STAU2: variants seen among roughly 807,000 people sequenced by gnomAD.
The protein encoded by STAU2 is staufen double-stranded RNA binding protein 2, also known as double-stranded RNA-binding protein Staufen homolog 2.
STAU2 carries 20 observed loss-of-function variants against 65.9 expected under a neutral mutation model. That is an observed-to-expected ratio of 0.30 (90% confidence interval 0.21 to 0.44). The LOEUF is 0.44. Among genes scored for constraint, STAU2 ranks in the 20% least tolerant of loss-of-function variants. The pLI, the probability that STAU2 is intolerant of heterozygous loss-of-function variation, is 1.00. For missense variants in STAU2, 558 were observed against 683.9 expected (o/e 0.82, Z 2.05); for synonymous variants, 232 against 233.9 (o/e 0.99, Z 0.07).
intron 13 of STAU2, chr8:73,439,296 T>G (rs1413198687): frequency 3.1e-6 from 1 of 326,642 alleles, no homozygotes; most frequent in African/African-American, 2.2e-5. Context: ...GAATCCTGTG[T>G]GAAGGCAGGA....
chr8:73,477,674 C>T (rs73686955), intron 13 of STAU2, among the ~76,000 whole-genome samples: 16,773 of 152,096 alleles, frequency 0.11, 1,593 homozygotes, highest in African/African-American at 0.25. Flanking sequence ...GGCCAGTAGA[C>T]GGACAGAAGT....
intron 4 of STAU2, among the ~76,000 whole-genome samples, chr8:73,689,878 C>A (rs1217539044): frequency 6.6e-6 from 1 of 151,672 alleles, no homozygotes; most frequent in Non-Finnish European, 1.5e-5. Flanking sequence ...CAACCATGTA[C>A]AATTCTTGGC....
intron 13 of STAU2, among the ~76,000 whole-genome samples, chr8:73,436,875 C>G (rs1334492818): frequency 6.6e-6 from 1 of 152,144 alleles, no homozygotes; most frequent in African/African-American, 2.4e-5. Flanking sequence ...GTGTCAGGCA[C>G]CGTGCCTGGT....
chr8:73,651,208 G>A, intron 6 of STAU2: 1 of 890,640 alleles, frequency 1.1e-6, no homozygotes, highest in Admixed American at 2.1e-5. Context: ...CATCAAGGAG[G>A]CTAGGTCCTC....
At chr8:73,438,317 G>A (rs1044071199) in intron 13 of STAU2, among the ~76,000 whole-genome samples, 4 of 152,208 alleles carry the variant, frequency 2.6e-5, no homozygotes, top group Non-Finnish European at 5.9e-5. Flanking sequence ...TCCCAGCAGG[G>A]AGACAGGCAG....
At chr8:73,577,910 A>G (rs1809697470) in intron 12 of STAU2, among the ~76,000 whole-genome samples, 1 of 151,932 alleles carries the variant, frequency 6.6e-6, no homozygotes, top group Non-Finnish European at 1.5e-5. Flanking sequence ...TAAAAAATTG[A>G]CTTTTATGTG....
chr8:73,667,425 C>T (rs1563493797), intron 6 of STAU2, among the ~76,000 whole-genome samples: 2 of 152,174 alleles, frequency 1.3e-5, no homozygotes, highest in South Asian at 4.1e-4. Flanking sequence ...TCCAGACTTA[C>T]CGAACTGTTT....
At chr8:73,524,884 T>C (rs528466393) in intron 13 of STAU2, among the ~76,000 whole-genome samples, 2 of 152,312 alleles carry the variant, frequency 1.3e-5, no homozygotes, top group East Asian at 1.9e-4. Context: ...TGAGATCAAG[T>C]TGATGCTGCT....
intron 4 of STAU2, among the ~76,000 whole-genome samples, chr8:73,698,923 T>TAA (rs34819729): frequency 0.016 from 2,049 of 129,088 alleles, 29 homozygotes; most frequent in African/African-American, 0.034. Context: ...CTTAAAACAT[T>TAA]AAAAAAAAAA....
At chr8:73,467,454 C>A (rs1334394314) in intron 13 of STAU2, among the ~76,000 whole-genome samples, 2 of 152,150 alleles carry the variant, frequency 1.3e-5, no homozygotes, top group African/African-American at 4.8e-5. Context: ...ATGGCGTGAA[C>A]CCGGGAGGAG....
chr8:73,535,314 C>T (rs1442449670), intron 13 of STAU2, among the ~76,000 whole-genome samples: 7 of 152,116 alleles, frequency 4.6e-5, no homozygotes, highest in Non-Finnish European at 7.4e-5. Flanking sequence ...GGACTACAGG[C>T]GCCCACCACC....
intron 3 of STAU2, among the ~76,000 whole-genome samples, chr8:73,729,441 T>C (rs1805889808): frequency 6.6e-6 from 1 of 152,246 alleles, no homozygotes; most frequent in Non-Finnish European, 1.5e-5. Context: ...GGAAGTATTC[T>C]TACTCTCTCC....
At chr8:73,629,638 AT>A (rs551529482) in intron 6 of STAU2, among the ~76,000 whole-genome samples, 50 of 152,326 alleles carry the variant, frequency 3.3e-4, no homozygotes, top group African/African-American at 1.2e-3. Flanking sequence ...ATTGACAGTA[AT>A]CATTTAAGGG....
At chr8:73,625,368 CA>C (rs770835174) in intron 6 of STAU2, among the ~76,000 whole-genome samples, 3 of 152,190 alleles carry the variant, frequency 2.0e-5, no homozygotes, top group Non-Finnish European at 4.4e-5. Flanking sequence ...GAGTGTTTTA[CA>C]GTCGTACAAA....
chr8:73,672,901 G>GAAA lies in STAU2; in HGVS notation c.410+203_410+205dup, dbSNP rs11287395. On this transcript the variant is annotated intron_variant, in intron 6 of 14. Transcript: ENST00000524300. Reference sequence around the variant, plus strand: ...GATCTTTTACGTTTGTGGGGTAGGGGAAAAAAAAAAAAAACTAGTTCCTGA... The same window carrying GAAA: ...GATCTTTTACGTTTGTGGGGTAGGGGAAAAAAAAAAAAAAAAACTAGTTCCTGA... 1,821 of 296,496 alleles carry GAAA rather than the reference G, an allele frequency of 6.1e-3. 1 individual carries two copies. The highest frequency in any genetic ancestry group is 0.01 in the South Asian group (95 of 9,370). 18.4% of individuals were successfully genotyped at this position (296,496 alleles called of 1,614,324 possible). A position where few individuals can be genotyped will look rare whatever the true frequency, so the allele number is the denominator to read the frequency against.
intron 13 of STAU2, among the ~76,000 whole-genome samples, chr8:73,492,384 C>T (rs7011946): frequency 0.042 from 6,453 of 151,944 alleles, 464 homozygotes; most frequent in African/African-American, 0.15. Flanking sequence ...GTCAACCTCT[C>T]CTACTGCTTC....
chr8:73,606,002 C>T (rs1812007630), intron 9 of STAU2, among the ~76,000 whole-genome samples: 1 of 77,902 alleles, frequency 1.3e-5, no homozygotes, highest in African/African-American at 4.5e-5. Flanking sequence ...ATTGGCTATT[C>T]ATATGTAAAA....
At chr8:73,669,092 T>C (rs1309397810) in intron 6 of STAU2, 1 of 702,328 alleles carries the variant, frequency 1.4e-6, no homozygotes, top group Admixed American at 2.0e-5. Context: ...GTCCCTGTAA[T>C]CCATTCAAGT....
chr8:73,647,191 A>T (rs1198322310), intron 6 of STAU2, among the ~76,000 whole-genome samples: 1 of 152,216 alleles, frequency 6.6e-6, no homozygotes, highest in Non-Finnish European at 1.5e-5. Flanking sequence ...AACACTAAAC[A>T]TATATTTACT....
Sources: allele counts gnomAD v4.1 joint callset (sites outside exome capture counted in the v4.1 genomes callset), GRCh38; gene constraint gnomAD v4.1.1; transcripts MANE v1.5; gene names NCBI Gene and HGNC (gene_info 2026-07-23, HGNC 2026-07-21).